SIRPB2: variants seen among roughly 807,000 people sequenced by gnomAD.
The protein encoded by SIRPB2 is signal-regulatory protein beta-2.
SIRPB2 carries 18 observed loss-of-function variants against 27.1 expected under a neutral mutation model. The observed-to-expected ratio is 0.66, with a 90% CI of 0.46 to 0.98. SIRPB2 has a LOEUF of 0.98. Among genes scored for constraint, SIRPB2 ranks in the 50% least tolerant of loss-of-function variants. The probability of loss-of-function intolerance (pLI) is 0.00; values close to 1 mark genes in which losing one functional copy is unlikely to be tolerated. For missense variants in SIRPB2, 420 were observed against 417.4 expected (o/e 1.01, Z -0.06); for synonymous variants, 150 against 164.6 (o/e 0.91, Z 0.68).
chr20:1,476,109 G>C lies in SIRPB2; in HGVS notation c.*58C>G, dbSNP rs1478974713. 1.8e-5 allele frequency: 29 copies of C among 1,581,972 alleles called. No individual in the cohort carries two copies. Among genetic ancestry groups the C allele is most frequent in the Non-Finnish European group, 2.4e-5 (28 of 1,166,260 alleles). On this transcript the variant is annotated 3_prime_UTR_variant, in exon 5 of 5. Coordinates refer to ENST00000359801, the MANE Select transcript of SIRPB2 (RefSeq NM_001122962.2). Reference sequence around the variant, plus strand: ...AGGCTGGGACTGGAGGTAGGGAAATGGTTGAGGAGCCCTGGCTCCTCTCCA... The same window carrying C: ...AGGCTGGGACTGGAGGTAGGGAAATCGTTGAGGAGCCCTGGCTCCTCTCCA...
chr20:1,477,211 C>A (rs1233069131), intron 4 of SIRPB2, 127 bp downstream of exon 4: 1 of 1,611,390 alleles, frequency 6.2e-7, no homozygotes, highest in African/African-American at 1.3e-5. Flanking sequence ...GAGATGAAGT[C>A]CTGGGAGCAT....
chr20:1,491,227 G>T, intron 1 of SIRPB2, 48 bp downstream of exon 1: 2 of 1,544,724 alleles, frequency 1.3e-6, no homozygotes, highest in South Asian at 2.3e-5. Context: ...CCCCTCTAGG[G>T]ACTGACCAGC....
intron 3 of SIRPB2, 76 bp from the exon 4 acceptor site, chr20:1,477,479 A>G: frequency 6.5e-7 from 1 of 1,540,480 alleles, no homozygotes; most frequent in Non-Finnish European, 8.7e-7. Flanking sequence ...AGGAGCTGGG[A>G]TCTCTGGGAT....
chr20:1,472,419 A>G (rs1327887956), downstream of SIRPB2, among the ~76,000 whole-genome samples: 1 of 152,106 alleles, frequency 6.6e-6, no homozygotes, highest in African/African-American at 2.4e-5. Flanking sequence ...ATAGGATTTT[A>G]CAACTGAGTC....
chr20:1,479,096 T>G (rs2090639757), intron 2 of SIRPB2: 2 of 164,306 alleles, frequency 1.2e-5, no homozygotes, highest in East Asian at 1.8e-4. Context: ...CAAATTGTTT[T>G]GCCTGTTTTT....
At chr20:1,481,021 T>C (rs1161262987) in intron 1 of SIRPB2, among the ~76,000 whole-genome samples, 1 of 152,222 alleles carries the variant, frequency 6.6e-6, no homozygotes, top group East Asian at 1.9e-4. Context: ...GGTTGAACTG[T>C]TGAGTTTATC....
chr20:1,473,975 G>T (rs866983507), downstream of SIRPB2: 48 of 418,522 alleles, frequency 1.1e-4, no homozygotes, highest in South Asian at 4.1e-4. Context: ...GGCTCCAGGG[G>T]GAGAATTTCT....
intron 1 of SIRPB2, among the ~76,000 whole-genome samples, chr20:1,489,340 C>T (rs764709653): frequency 6.6e-6 from 1 of 152,094 alleles, no homozygotes; most frequent in Non-Finnish European, 1.5e-5. Flanking sequence ...TACATATGTA[C>T]GGTTTAATAT....
At chr20:1,487,608 C>A (rs187797616) in intron 1 of SIRPB2, among the ~76,000 whole-genome samples, 6 of 152,286 alleles carry the variant, frequency 3.9e-5, no homozygotes, top group East Asian at 3.9e-4. Flanking sequence ...AATAGAGAGT[C>A]TAGAAATAGT....
intron 4 of SIRPB2, chr20:1,476,616 G>C: frequency 1.7e-6 from 1 of 605,812 alleles, no homozygotes; most frequent in Non-Finnish European, 2.1e-6. Flanking sequence ...TAATCCTACA[G>C]TGTAGGATAG....
chr20:1,478,967 C>T (rs1245020459), intron 2 of SIRPB2, among the ~76,000 whole-genome samples: 1 of 152,248 alleles, frequency 6.6e-6, no homozygotes, highest in Non-Finnish European at 1.5e-5. Context: ...TGAAGCCTTC[C>T]TGAATCTGGC....
Position 1,475,807 on chromosome 20 carries a change from T to C in SIRPB2, c.*360A>G. ...GAGTTCAGAGATTCTTACAGACATC[T>C]CCTGGGAAGAAGACTCTGAGTTGGA... On this transcript the variant is annotated 3_prime_UTR_variant, in exon 5 of 5. Coordinates refer to ENST00000359801, the MANE Select transcript of SIRPB2 (RefSeq NM_001122962.2). 4.7e-6 allele frequency: 1 copy of C among 210,538 alleles called. No individual in the cohort carries two copies. Among genetic ancestry groups the C allele is most frequent in the Non-Finnish European group, 9.5e-6 (1 of 105,268 alleles). The allele number at this position is 210,538 out of a possible 1,614,324, so 13.0% of individuals were successfully genotyped here. A position where few individuals can be genotyped will look rare whatever the true frequency, so the allele number is the denominator to read the frequency against.
chr20:1,474,439 T>C (rs999062643), downstream of SIRPB2, among the ~76,000 whole-genome samples: 1 of 152,240 alleles, frequency 6.6e-6, no homozygotes, highest in African/African-American at 2.4e-5. Flanking sequence ...GAAAAACATC[T>C]AGACTCATCT....
At chr20:1,480,997 C>T (rs1457625323) in intron 1 of SIRPB2, among the ~76,000 whole-genome samples, 1 of 152,132 alleles carries the variant, frequency 6.6e-6, no homozygotes, top group African/African-American at 2.4e-5. Context: ...TGAAGTGAGG[C>T]TATTTTGAAG....
chr20:1,479,660 G>C (rs1381071021), intron 2 of SIRPB2, 40 bp downstream of exon 2: 2 of 1,600,862 alleles, frequency 1.2e-6, no homozygotes, highest in Non-Finnish European at 1.7e-6. Flanking sequence ...CAGGGAAACA[G>C]ACTGGAGCAA....
chr20:1,486,522 AAT>A lies in SIRPB2; in HGVS notation c.85+4751_85+4752del, dbSNP rs2090728220. Among the ~76,000 whole-genome samples, 5 of 152,320 alleles carry A rather than the reference AAT, an allele frequency of 3.3e-5. No homozygotes were observed. In the South Asian group the frequency reaches 1.0e-3, roughly 32 times the overall value. On this transcript the variant is annotated intron_variant, in intron 1 of 4. Coordinates refer to ENST00000359801, the MANE Select transcript of SIRPB2 (RefSeq NM_001122962.2). Reference sequence around the variant, plus strand: ...CTTTTCCTTTCGAGAAAGGAAAATCAATATCTCTCATGAACATAGATAAAAAA... The same window carrying A: ...CTTTTCCTTTCGAGAAAGGAAAATCAATCTCTCATGAACATAGATAAAAAA...
chr20:1,491,402 C>G lies in SIRPB2; in HGVS notation c.-43G>C. On this transcript the variant is annotated 5_prime_UTR_variant, in exon 1 of 5. Coordinates refer to ENST00000359801, the MANE Select transcript of SIRPB2 (RefSeq NM_001122962.2). ...CCAAGACTTGGGGCTCCTCTGCTCT[C>G]TTGTGAGTGTTGGAGTCTGAGGCGG... is the stretch of plus-strand genomic sequence containing the variant. The G allele has an allele frequency of 1.3e-6, 2 of 1,565,582 alleles. No individual in the cohort carries two copies. The highest frequency in any genetic ancestry group is 1.7e-6 in the Non-Finnish European group (2 of 1,155,288).
chr20:1,490,343 G>A (rs1341849495), intron 1 of SIRPB2, among the ~76,000 whole-genome samples: 1 of 152,172 alleles, frequency 6.6e-6, no homozygotes, highest in African/African-American at 2.4e-5. Context: ...GACCAAAGAT[G>A]TCATGGACAG....
chr20:1,478,853 TTC>T (rs1257680195), intron 2 of SIRPB2, among the ~76,000 whole-genome samples: 1 of 152,224 alleles, frequency 6.6e-6, no homozygotes, highest in African/African-American at 2.4e-5. Context: ...CCTGAAGCCA[TTC>T]TCTGTCTTCC....
Sources: allele counts gnomAD v4.1 joint callset (sites outside exome capture counted in the v4.1 genomes callset), GRCh38; gene constraint gnomAD v4.1.1; transcripts MANE v1.5; gene names NCBI Gene and HGNC (gene_info 2026-07-23, HGNC 2026-07-21).